Variants in PREX1 observed in about 807,000 individuals in gnomAD.
The protein encoded by PREX1 is phosphatidylinositol 3,4,5-trisphosphate-dependent Rac exchanger 1 protein.
PREX1 carries 41 observed loss-of-function variants against 198.3 expected under a neutral mutation model. The ratio of observed to expected loss-of-function variants is 0.21; its 90% confidence interval spans 0.16 to 0.27. The LOEUF (loss-of-function observed/expected upper bound fraction) is 0.27, where lower values mean the gene tolerates loss of function less well. Among genes scored for constraint, PREX1 ranks in the 10% least tolerant of loss-of-function variants. PREX1 has a pLI of 1.00. For missense variants in PREX1, 1,620 were observed against 2,200.7 expected (o/e 0.74, Z 5.28); for synonymous variants, 843 against 887.2 (o/e 0.95, Z 0.89).
chr20:48,765,994 C>T (rs780095865), intron 1 of PREX1, among the ~76,000 whole-genome samples: 7 of 152,098 alleles, frequency 4.6e-5, no homozygotes, highest in African/African-American at 9.7e-5. Flanking sequence ...CCACCCATGC[C>T]GGGGATCTAG....
At chr20:48,835,102 A>T in the PREX1 span, among the ~76,000 whole-genome samples, 3 of 152,290 alleles carry the variant, frequency 2.0e-5, no homozygotes, top group Non-Finnish European at 4.4e-5. Context: ...CCTACTGGCC[A>T]GATCTTGCCA....
intron 2 of PREX1, 103 bp from the exon 3 acceptor site, chr20:48,745,250 A>T (rs1241706401): frequency 7.7e-7 from 1 of 1,293,338 alleles, no homozygotes; most frequent in Non-Finnish European, 1.1e-6. Context: ...CATTGTAGTC[A>T]AAGAAGAACT....
the PREX1 span, among the ~76,000 whole-genome samples, chr20:48,881,097 C>A: frequency 6.7e-6 from 1 of 148,754 alleles, no homozygotes; most frequent in Non-Finnish European, 1.5e-5. Flanking sequence ...GATATCCTCA[C>A]AATATTTCTG....
chr20:48,706,997 A>C (rs2089906679), intron 6 of PREX1, among the ~76,000 whole-genome samples: 1 of 152,254 alleles, frequency 6.6e-6, no homozygotes, highest in Non-Finnish European at 1.5e-5. Context: ...AGGTGGCATC[A>C]AGGATTCAGT....
Position 48,681,144 on chromosome 20 carries a change from T to C in PREX1, c.1435+91A>G. 5.4e-6 allele frequency: 6 copies of C among 1,106,654 alleles called. No individual in the cohort carries two copies. The East Asian group carries it at 7.1e-5, about 13-fold the overall frequency. 68.6% of individuals were successfully genotyped at this position (1,106,654 alleles called of 1,614,324 possible). On this transcript the variant is annotated intron_variant, in intron 11 of 39. Coordinates refer to ENST00000371941, the MANE Select transcript of PREX1 (RefSeq NM_020820.4). Reference sequence around the variant, plus strand: ...AAAACACGGCGGCTGCACGAAAGGATAGGAGCTGCCTGAGCTAGTGGAAGC... The same window carrying C: ...AAAACACGGCGGCTGCACGAAAGGACAGGAGCTGCCTGAGCTAGTGGAAGC...
intron 4 of PREX1, among the ~76,000 whole-genome samples, chr20:48,733,103 T>C (rs940069739): frequency 1.3e-5 from 2 of 152,216 alleles, no homozygotes; most frequent in East Asian, 1.9e-4. Flanking sequence ...ACACAACAGA[T>C]AGTGGTTTGA....
At chr20:48,636,139 TCCAGA>T in intron 32 of PREX1, among the ~76,000 whole-genome samples, 1 of 152,178 alleles carries the variant, frequency 6.6e-6, no homozygotes, top group Non-Finnish European at 1.5e-5. Flanking sequence ...CAAAAACATC[TCCAGA>T]CATTACCAAG....
At chr20:48,738,831 C>T (rs2090068590) in intron 3 of PREX1, among the ~76,000 whole-genome samples, 1 of 152,094 alleles carries the variant, frequency 6.6e-6, no homozygotes, top group African/African-American at 2.4e-5. Context: ...CCAAACCACT[C>T]ATTTCACAGC....
chr20:48,738,339 G>A (rs1402822500), intron 3 of PREX1, among the ~76,000 whole-genome samples: 6 of 152,184 alleles, frequency 3.9e-5, no homozygotes, highest in Admixed American at 1.3e-4. Context: ...CCCCTTCTAC[G>A]ACAAGGTCTG....
chr20:48,786,231 T>C (rs1387856254), intron 1 of PREX1, among the ~76,000 whole-genome samples: 1 of 152,142 alleles, frequency 6.6e-6, no homozygotes, highest in African/African-American at 2.4e-5. Flanking sequence ...GGTAAGCAGC[T>C]GGACCCCCTT....
At chr20:48,877,760 C>G in the PREX1 span, among the ~76,000 whole-genome samples, 1 of 152,212 alleles carries the variant, frequency 6.6e-6, no homozygotes, top group East Asian at 1.9e-4. Flanking sequence ...CATTTGACTC[C>G]TCTGCTCTAA....
chr20:48,745,116 T>C lies in PREX1; in HGVS notation c.323A>G (p.Glu108Gly). ...GGCGGCCAAGAAATCCTTATGAACT[T>C]CCAGGATGTCTTCGATGTTCGAGAA... ...VLFSNIEDIL[E>G]VHKDFLAALE... is the part of the protein sequence containing the mutation. The change falls in exon 3 of 40, where the codon GAA (glutamate) becomes GGA (glycine). Residue 108 changes from glutamate to glycine, a missense_variant. Transcript: ENST00000371941. The C allele has an allele frequency of 6.2e-7, 1 of 1,614,062 alleles. No homozygotes were observed. The highest frequency in any genetic ancestry group is 8.5e-7 in the Non-Finnish European group (1 of 1,179,956).
At chr20:48,701,265 G>A (rs371618593) in intron 6 of PREX1, among the ~76,000 whole-genome samples, 62 of 152,286 alleles carry the variant, frequency 4.1e-4, no homozygotes, top group African/African-American at 1.5e-3. Context: ...AGGCTGGAGT[G>A]CAATGGCGCG....
At chr20:48,844,277 C>T in the PREX1 span, among the ~76,000 whole-genome samples, 15 of 152,166 alleles carry the variant, frequency 9.9e-5, no homozygotes, top group Non-Finnish European at 4.4e-5. Context: ...CCCCCATTCC[C>T]TTGCACGGCC....
chr20:48,846,783 C>T, the PREX1 span, among the ~76,000 whole-genome samples: 1 of 152,142 alleles, frequency 6.6e-6, no homozygotes, highest in Non-Finnish European at 1.5e-5. Flanking sequence ...AGAGCTCCCT[C>T]GGGGACCAGA....
At chr20:48,860,153 A>G in the PREX1 span, among the ~76,000 whole-genome samples, 1 of 152,262 alleles carries the variant, frequency 6.6e-6, no homozygotes. Flanking sequence ...GAATAGATTA[A>G]CCAAGTGTGG....
chr20:48,834,372 T>C, the PREX1 span, among the ~76,000 whole-genome samples: 4 of 152,026 alleles, frequency 2.6e-5, no homozygotes, highest in South Asian at 2.1e-4. Flanking sequence ...ATTTTTTTTT[T>C]CCCAGAACTG....
intron 7 of PREX1, 80 bp from the exon 8 acceptor site, chr20:48,692,870 C>A: frequency 1.7e-6 from 2 of 1,203,700 alleles, no homozygotes; most frequent in Non-Finnish European, 2.5e-6. Context: ...AAGGGGAACA[C>A]AACACTGAGG....
the PREX1 span, among the ~76,000 whole-genome samples, chr20:48,847,632 G>A: frequency 6.6e-6 from 1 of 152,082 alleles, no homozygotes; most frequent in Non-Finnish European, 1.5e-5. Flanking sequence ...CTTTGGTGGT[G>A]TTTTTTCATA....
Sources: gnomAD v4.1 joint callset for allele counts (sites outside exome capture counted in the v4.1 genomes callset) on GRCh38, gnomAD v4.1.1 for gene constraint, MANE v1.5 for transcripts, NCBI Gene and HGNC (gene_info 2026-07-23, HGNC 2026-07-21) for gene names.